Variants in HPSE2 observed in about 807,000 individuals in gnomAD.
The protein encoded by HPSE2 is heparanase 2 (inactive).
Under a neutral mutation model 60.5 loss-of-function variants are expected in HPSE2, and 38 were observed. The ratio of observed to expected loss-of-function variants is 0.63; its 90% confidence interval spans 0.48 to 0.82. HPSE2 has a LOEUF of 0.82. Ranked by LOEUF, HPSE2 falls within the 40% of genes least tolerant of loss-of-function variation. The probability of loss-of-function intolerance (pLI) is 0.00; values close to 1 mark genes in which losing one functional copy is unlikely to be tolerated. For missense variants in HPSE2, 713 were observed against 740.4 expected (o/e 0.96, Z 0.43); for synonymous variants, 295 against 293.2 (o/e 1.01, Z -0.06).
chr10:99,061,084 G>A (rs1794532958), intron 3 of HPSE2, among the ~76,000 whole-genome samples: 1 of 151,976 alleles, frequency 6.6e-6, no homozygotes, highest in African/African-American at 2.4e-5. Context: ...AAGAATTCAA[G>A]GTAATTAATT....
chr10:99,258,375 C>A, the HPSE2 span, among the ~76,000 whole-genome samples: 3 of 151,362 alleles, frequency 2.0e-5, no homozygotes, highest in African/African-American at 7.3e-5. Flanking sequence ...GAAAGAAAAT[C>A]TAACTAAATG....
the HPSE2 span, among the ~76,000 whole-genome samples, chr10:99,248,865 T>C: frequency 1.3e-5 from 2 of 152,202 alleles, no homozygotes; most frequent in Admixed American, 1.3e-4. Context: ...GAGCCCCAGA[T>C]AGGTCTCAGA....
At chr10:99,092,476 C>T (rs144228195) in intron 3 of HPSE2, among the ~76,000 whole-genome samples, 152 of 152,266 alleles carry the variant, frequency 1.0e-3, no homozygotes, top group Non-Finnish European at 1.3e-3. Flanking sequence ...TGTCAATTTA[C>T]AATCTCCAAT....
intron 3 of HPSE2, among the ~76,000 whole-genome samples, chr10:98,922,036 AT>A (rs1301611959): frequency 6.6e-6 from 1 of 152,198 alleles, no homozygotes; most frequent in Non-Finnish European, 1.5e-5. Flanking sequence ...AAAATTTTAA[AT>A]TTTCTACTAA....
intron 6 of HPSE2, among the ~76,000 whole-genome samples, chr10:98,649,327 C>G (rs1341270379): frequency 6.6e-6 from 1 of 152,132 alleles, no homozygotes; most frequent in Non-Finnish European, 1.5e-5. Context: ...TATTTGCTAG[C>G]TATTTTACAT....
At position 99,161,026 on chromosome 10, in the gene HPSE2, GC is replaced by G. The variant is rs1846818177; in HGVS notation, c.449-16628del. Among the ~76,000 whole-genome samples the G allele has an allele frequency of 2.0e-5, 3 of 151,114 alleles. No individual in the cohort carries two copies. The South Asian group carries it at 6.3e-4, about 32-fold the overall frequency. On this transcript the variant is annotated intron_variant, in intron 2 of 11. Transcript: ENST00000370552. ...AGGCCAGAAGTTTGACACCACACCA[GC>G]CTGGGCAACATAAGGAGTCCCCATC...
At chr10:98,655,975 A>T (rs183691593) in intron 6 of HPSE2, among the ~76,000 whole-genome samples, 302 of 152,300 alleles carry the variant, frequency 2.0e-3, no homozygotes, top group Middle Eastern at 6.8e-3. Flanking sequence ...GTGAAACTGC[A>T]TTGTGTAGAA....
At chr10:98,614,296 GTTT>G (rs11428510) in intron 9 of HPSE2, among the ~76,000 whole-genome samples, 17 of 144,928 alleles carry the variant, frequency 1.2e-4, no homozygotes, top group Admixed American at 9.6e-4. Context: ...GGATTGTTTT[GTTT>G]TTTTTTTTTT....
chr10:98,574,647 G>A (rs993538959), intron 9 of HPSE2, among the ~76,000 whole-genome samples: 11 of 152,112 alleles, frequency 7.2e-5, no homozygotes, highest in African/African-American at 2.4e-4. Flanking sequence ...ATGCAGCCCT[G>A]AAGCAAAGCC....
At chr10:98,681,344 T>TA (rs1947782512) in intron 6 of HPSE2, among the ~76,000 whole-genome samples, 1 of 152,150 alleles carries the variant, frequency 6.6e-6, no homozygotes, top group Non-Finnish European at 1.5e-5. Flanking sequence ...GAATGTGATT[T>TA]AAAAAAATAT....
At chr10:99,190,127 A>G (rs1198184430) in intron 2 of HPSE2, among the ~76,000 whole-genome samples, 1 of 152,222 alleles carries the variant, frequency 6.6e-6, no homozygotes, top group Non-Finnish European at 1.5e-5. Flanking sequence ...AGTAACTACC[A>G]TTTGTTAACT....
chr10:98,622,493 C>T (rs75101224), intron 7 of HPSE2, among the ~76,000 whole-genome samples: 5,614 of 152,274 alleles, frequency 0.037, 360 homozygotes, highest in African/African-American at 0.13. Context: ...GTGCCAAACC[C>T]ATGGGTACAT....
In HPSE2 at chr10:98,767,169, C is replaced by G. The variant is rs184897783; in HGVS notation, c.611-23113G>C. Among the ~76,000 whole-genome samples the G allele has an allele frequency of 5.9e-5, 9 of 152,222 alleles. No individual in the cohort carries two copies. The East Asian group carries it at 1.7e-3, about 29-fold the overall frequency. On this transcript the variant is annotated intron_variant, in intron 3 of 11. Coordinates refer to ENST00000370552, the MANE Select transcript of HPSE2 (RefSeq NM_021828.5). ...TTAATAGTGAAAAATTGAATGTTTT[C>G]TCTCTCCAGAGAAGCTTTTTCACTT...
intron 5 of HPSE2, among the ~76,000 whole-genome samples, chr10:98,703,363 G>A (rs1421226823): frequency 1.3e-5 from 2 of 152,146 alleles, no homozygotes; most frequent in African/African-American, 2.4e-5. Flanking sequence ...ACAAAGAAGA[G>A]CTGGTACCAG....
At chr10:98,545,963 T>C (rs1943658783) in intron 9 of HPSE2, among the ~76,000 whole-genome samples, 1 of 147,840 alleles carries the variant, frequency 6.8e-6, no homozygotes. Flanking sequence ...AGTCTCAGGA[T>C]ACAAAATCAA....
At chr10:98,651,458 A>G (rs1003353317) in intron 6 of HPSE2, among the ~76,000 whole-genome samples, 1 of 152,222 alleles carries the variant, frequency 6.6e-6, no homozygotes, top group Non-Finnish European at 1.5e-5. Context: ...TTCTAATGTC[A>G]TAATTCTAAG....
intron 3 of HPSE2, among the ~76,000 whole-genome samples, chr10:98,859,977 A>C (rs1952414657): frequency 6.6e-6 from 1 of 152,190 alleles, no homozygotes. Flanking sequence ...CTATTTTATT[A>C]ATTGTTGATA....
At chr10:98,594,070 A>G (rs993248234) in intron 9 of HPSE2, among the ~76,000 whole-genome samples, 34 of 150,860 alleles carry the variant, frequency 2.3e-4, no homozygotes, top group African/African-American at 8.5e-4. Flanking sequence ...ATGTTTTGAA[A>G]TATGTATAAT....
intron 3 of HPSE2, among the ~76,000 whole-genome samples, chr10:98,754,265 T>C (rs1162888592): frequency 1.3e-5 from 2 of 152,142 alleles, no homozygotes; most frequent in African/African-American, 4.8e-5. Context: ...ATCTCAGAGC[T>C]CGAAGGCTAG....
Sources: allele counts gnomAD v4.1 joint callset (sites outside exome capture counted in the v4.1 genomes callset), GRCh38; gene constraint gnomAD v4.1.1; transcripts MANE v1.5; gene names NCBI Gene and HGNC (gene_info 2026-07-23, HGNC 2026-07-21).